Variants in CTNNBL1 observed in about 807,000 individuals in gnomAD.
CTNNBL1 encodes beta-catenin-like protein 1.
Under a neutral mutation model 72.7 loss-of-function variants are expected in CTNNBL1, and 31 were observed. The ratio of observed to expected loss-of-function variants is 0.43; its 90% CI spans 0.32 to 0.58. CTNNBL1 has a LOEUF of 0.58. CTNNBL1 is among the 20% of genes least tolerant of loss of function. The probability of loss-of-function intolerance (pLI) is 0.08; values close to 1 mark genes in which losing one functional copy is unlikely to be tolerated. For synonymous variants in CTNNBL1, 240 were observed against 267.3 expected (o/e 0.90, Z 1.00); for missense variants, 534 against 725.1 (o/e 0.74, Z 3.03).
At chr20:37,757,702 TG>T (rs111942788) in intron 5 of CTNNBL1, 46 bp downstream of exon 5, 2 of 1,444,998 alleles carry the variant, frequency 1.4e-6, no homozygotes, top group African/African-American at 1.4e-5. Context: ...TATAAGTTGT[TG>T]GCATTGCCAC....
At chr20:37,810,673 T>C (rs2072003861) in intron 11 of CTNNBL1, among the ~76,000 whole-genome samples, 2 of 152,194 alleles carry the variant, frequency 1.3e-5, no homozygotes, top group Admixed American at 1.3e-4. Context: ...GCTTAAGAGA[T>C]GAGATAACAT....
At chr20:37,707,880 A>G (rs2072901786) in intron 1 of CTNNBL1, among the ~76,000 whole-genome samples, 1 of 152,150 alleles carries the variant, frequency 6.6e-6, no homozygotes, top group South Asian at 2.1e-4. Flanking sequence ...AGGGTTATTA[A>G]TTACTTAATT....
At chr20:37,835,399 C>G (rs2072245080) in intron 11 of CTNNBL1, among the ~76,000 whole-genome samples, 1 of 152,114 alleles carries the variant, frequency 6.6e-6, no homozygotes, top group Non-Finnish European at 1.5e-5. Context: ...GATGTTTAAC[C>G]TCATTCGTAA....
At chr20:37,859,715 A>G (rs2072474048) in intron 13 of CTNNBL1, among the ~76,000 whole-genome samples, 184 bp from the exon 14 acceptor site, 3 of 152,040 alleles carry the variant, frequency 2.0e-5, no homozygotes, top group South Asian at 4.1e-4. Context: ...TCTATAGTCC[A>G]TTAAGAATGA....
chr20:37,870,754 G>A (rs2072577228), intron 15 of CTNNBL1, among the ~76,000 whole-genome samples: 1 of 152,162 alleles, frequency 6.6e-6, no homozygotes, highest in African/African-American at 2.4e-5. Context: ...AAAGGCCACA[G>A]CCCTTACCGT....
At chr20:37,705,444 A>G (rs533308968) in intron 1 of CTNNBL1, among the ~76,000 whole-genome samples, 6 of 152,226 alleles carry the variant, frequency 3.9e-5, no homozygotes. Context: ...AACAACACGC[A>G]TGCTACAGCA....
chr20:37,835,529 A>G (rs909489355), intron 11 of CTNNBL1, among the ~76,000 whole-genome samples: 4 of 152,234 alleles, frequency 2.6e-5, no homozygotes, highest in Admixed American at 6.5e-5. Flanking sequence ...ATGCTCATAT[A>G]TATACTAATA....
intron 11 of CTNNBL1, among the ~76,000 whole-genome samples, chr20:37,827,942 T>C (rs967815562): frequency 1.3e-5 from 2 of 152,164 alleles, no homozygotes; most frequent in Non-Finnish European, 2.9e-5. Flanking sequence ...TGTTCCTTCA[T>C]ATCTCTGGGC....
chr20:37,861,255 C>T (rs1258699271), intron 15 of CTNNBL1, among the ~76,000 whole-genome samples: 1 of 152,184 alleles, frequency 6.6e-6, no homozygotes, highest in African/African-American at 2.4e-5. Flanking sequence ...CATGGAGTTC[C>T]CCAAATGCTG....
intron 1 of CTNNBL1, among the ~76,000 whole-genome samples, chr20:37,700,873 C>T (rs1223420056): frequency 6.6e-6 from 1 of 152,166 alleles, no homozygotes; most frequent in Non-Finnish European, 1.5e-5. Flanking sequence ...TGCAGACACC[C>T]ACTCCTCTTG....
At chr20:37,761,264 C>T (rs1026833055) in intron 5 of CTNNBL1, among the ~76,000 whole-genome samples, 37 of 152,282 alleles carry the variant, frequency 2.4e-4, no homozygotes, top group African/African-American at 7.7e-4. Flanking sequence ...TTTATAGAAA[C>T]GCTTTATAGA....
intron 13 of CTNNBL1, among the ~76,000 whole-genome samples, chr20:37,854,112 G>T (rs1316602248): frequency 6.6e-6 from 1 of 152,190 alleles, no homozygotes; most frequent in Non-Finnish European, 1.5e-5. Context: ...GTAGAATGTC[G>T]CATTGAACAT....
chr20:37,832,655 C>G (rs1347278185), intron 11 of CTNNBL1, among the ~76,000 whole-genome samples: 2 of 152,168 alleles, frequency 1.3e-5, no homozygotes, highest in Non-Finnish European at 2.9e-5. Flanking sequence ...TTAGTGTTCT[C>G]CATGTACCTG....
rs2073585211 is a variant in CTNNBL1 at position 37,777,396 on chromosome 20, A to G, written c.802A>G (p.Ile268Val). The G allele has an allele frequency of 6.2e-7, 1 of 1,613,806 alleles. No homozygotes were observed. The highest frequency in any genetic ancestry group is 1.3e-5 in the African/African-American group (1 of 74,918). ...NKLYCSEVLA[I>V]LLQDNDENRE... ...ACTGTATTGCAGTGAAGTGCTGGCC[A>G]TATTGCTCCAGGACAATGATGGTGA... The change falls in exon 8 of 16, where the codon ATA (isoleucine) becomes GTA (valine). Residue 268 changes from isoleucine (I) to valine (V), a missense_variant. Physicochemically the swap from Ile to Val is conservative, Grantham distance 29. Transcript: ENST00000361383.
chr20:37,864,138 C>G (rs1293937801), intron 15 of CTNNBL1, among the ~76,000 whole-genome samples: 1 of 152,046 alleles, frequency 6.6e-6, no homozygotes, highest in African/African-American at 2.4e-5. Flanking sequence ...GGAGGCTGGG[C>G]TCTTCTGGGA....
chr20:37,748,814 G>A (rs140744421), intron 4 of CTNNBL1, among the ~76,000 whole-genome samples: 1 of 152,240 alleles, frequency 6.6e-6, no homozygotes, highest in Non-Finnish European at 1.5e-5. Flanking sequence ...AATCCCAAGG[G>A]CCCCACCTCC....
intron 4 of CTNNBL1, chr20:37,749,898 T>C (rs1244335904): frequency 1.3e-5 from 2 of 152,336 alleles, no homozygotes; most frequent in African/African-American, 4.8e-5. Flanking sequence ...GTTGTACAGC[T>C]GTAACTGCCC....
intron 4 of CTNNBL1, among the ~76,000 whole-genome samples, chr20:37,755,040 C>G (rs1447686890): frequency 6.6e-6 from 1 of 152,130 alleles, no homozygotes; most frequent in Non-Finnish European, 1.5e-5. Context: ...CTCCTGACCT[C>G]AAGTAATCCG....
At chr20:37,774,025 AC>A (rs2073551665) in intron 7 of CTNNBL1, among the ~76,000 whole-genome samples, 1 of 145,508 alleles carries the variant, frequency 6.9e-6, no homozygotes, top group South Asian at 2.2e-4. Flanking sequence ...TGATTTTCCA[AC>A]CTCAGCCTCC....
Sources: gnomAD v4.1 joint callset for allele counts (sites outside exome capture counted in the v4.1 genomes callset) on GRCh38, gnomAD v4.1.1 for gene constraint, MANE v1.5 for transcripts, NCBI Gene and HGNC (gene_info 2026-07-23, HGNC 2026-07-21) for gene names.